The following LILRB3 variants were observed in gnomAD, a reference collection of about 807,000 sequenced individuals.
LILRB3 encodes the protein leukocyte immunoglobulin-like receptor subfamily B member 3.
A neutral mutation model predicts 68.2 loss-of-function variants in LILRB3; 32 were observed. That is an observed-to-expected ratio of 0.47 (90% confidence interval 0.35 to 0.63). LILRB3 has a LOEUF of 0.63. Among genes scored for constraint, LILRB3 ranks in the 30% least tolerant of loss-of-function variants. The probability of loss-of-function intolerance (pLI) is 0.00; values close to 1 mark genes in which losing one functional copy is unlikely to be tolerated. For synonymous variants in LILRB3, 185 were observed against 323.1 expected, an observed-to-expected ratio of 0.57 and a Z score of 4.58; for missense variants, 502 against 791.3, an observed-to-expected ratio of 0.63 and a Z score of 4.39.
exon 13 of LILRB3, chr19:54,216,618 CT>C: frequency 2.0e-6 from 2 of 1,013,872 alleles, no homozygotes; most frequent in Non-Finnish European, 1.2e-6. Context: ...CCTATTTATG[CT>C]TCTTAATTTT....
exon 5 of LILRB3, chr19:54,221,116 C>T: frequency 3.1e-6 from 4 of 1,276,654 alleles, no homozygotes; most frequent in Non-Finnish European, 4.2e-6. Flanking sequence ...TCACTGGGGG[C>T]CGACCACTCG....
At chr19:54,218,305 A>G (rs192011804) in intron 11 of LILRB3, 56 bp downstream of exon 11, 17 of 1,606,624 alleles carry the variant, frequency 1.1e-5, no homozygotes, top group Non-Finnish European at 1.4e-5. Flanking sequence ...GAAGTCCTGC[A>G]GGATTAGATC....
exon 10 of LILRB3, chr19:54,218,677 C>G (rs1211577635): frequency 6.2e-7 from 1 of 1,614,066 alleles, no homozygotes; most frequent in Non-Finnish European, 8.5e-7. Context: ...AGCAGCTGGG[C>G]TGGACCTGGA....
rs748707252 is a variant in LILRB3, at chr19:54,220,022, C to CA, written c.1309+132_1309+133insT. ...CCAACATCTCCCTCTGCCTCGACCCCCGCCCCTCACCAGCCCAGCCTCAGA... is the reference window on the plus strand; with the variant it reads ...CCAACATCTCCCTCTGCCTCGACCCCACGCCCCTCACCAGCCCAGCCTCAGA... On this transcript the variant is annotated intron_variant, in intron 7 of 12. Transcript: ENST00000445347. 1.9e-5 allele frequency: 22 copies of CA among 1,149,866 alleles called. 5 individuals carry two copies. Among genetic ancestry groups the CA allele is most frequent in the Non-Finnish European group, 2.5e-5 (21 of 831,142 alleles). The allele number at this position is 1,149,866 out of a possible 1,614,324, so 71.2% of individuals were successfully genotyped here.
At position 54,216,953 on chromosome 19, in the gene LILRB3, A is replaced by G. The variant is rs1041746561; in HGVS notation, c.*140T>C. 9.8e-5 allele frequency: 148 copies of G among 1,502,850 alleles called. No homozygotes were observed. The East Asian group carries it at 3.5e-3, about 36-fold the overall frequency. 93.1% of individuals were successfully genotyped at this position (1,502,850 alleles called of 1,614,324 possible). A position where few individuals can be genotyped will look rare whatever the true frequency, so the allele number is the denominator to read the frequency against. On this transcript the variant is annotated 3_prime_UTR_variant, in exon 13 of 13. Transcript: ENST00000445347. ...CATCTTTGAGTCAGGTGAGTCCCAC[A>G]AGTTCCCAGCGTCTCCTCATGGTCT...
chr19:54,222,707 G>C (rs1292277571), intron 2 of LILRB3, 40 bp downstream of exon 2: 1 of 1,612,566 alleles, frequency 6.2e-7, no homozygotes, highest in Non-Finnish European at 8.5e-7. Context: ...CCCTGTCCCA[G>C]TGAGGAGTAG....
chr19:54,218,925 A>C, intron 8 of LILRB3, 87 bp from the exon 9 acceptor site: 1 of 1,592,770 alleles, frequency 6.3e-7, no homozygotes, highest in Non-Finnish European at 8.6e-7. Flanking sequence ...AGGAAAACTA[A>C]AAATATTCCT....
rs771882122 is a variant in LILRB3 at position 54,217,143 on chromosome 19, C to T, written c.1846G>A (p.Gly616Arg). ...ATGCTGGGCTCAGCTGGAGGTTCCC[C>T]TTCCTGGGATGGAGGAGGCTCAGTT... Residue 616 changes from glycine to arginine, a missense_variant, in exon 13 of 13, where the codon GGG becomes AGG. By Grantham distance (125) the Gly-to-Arg change is moderately radical. Around this residue, in one of 8 missense-constraint regions of LILRB3, gnomAD observed 267 missense variants for 245.5 expected, o/e 1.09. Transcript: ENST00000445347. The T allele has an allele frequency of 1.0e-4, 163 of 1,613,956 alleles. No homozygotes were observed. Among genetic ancestry groups the T allele is most frequent in the Admixed American group, 1.0e-4 (6 of 59,994 alleles).
chr19:54,219,819 C>G, intron 7 of LILRB3: 10 of 1,531,208 alleles, frequency 6.5e-6, no homozygotes, highest in Non-Finnish European at 8.9e-6. Flanking sequence ...AGAACCCACC[C>G]CTGCCTCCCC....
At chr19:54,216,303 T>C (rs900051846) in exon 13 of LILRB3, 6 of 151,604 alleles carry the variant, frequency 4.0e-5, no homozygotes, top group East Asian at 1.9e-4. Context: ...TTTTTATTTT[T>C]TTTCTTTCTT....
At chr19:54,222,998 C>G (rs71266894) in exon 1 of LILRB3, 228,311 of 1,549,366 alleles carry the variant, frequency 0.15, 764 homozygotes, top group South Asian at 0.24. Context: ...CCGGTGACCC[C>G]GCGCTCTGCA....
chr19:54,222,844 C>T, intron 1 of LILRB3, 62 bp from the exon 2 acceptor site: 1 of 1,612,616 alleles, frequency 6.2e-7, no homozygotes, highest in Non-Finnish European at 8.5e-7. Flanking sequence ...CGCCCGGGTG[C>T]CTCCTGAGCT....
In LILRB3 at chr19:54,222,258, A is replaced by G; in HGVS notation, c.355+20T>C. The G allele has an allele frequency of 6.2e-7, 1 of 1,610,824 alleles. No homozygotes were observed. ...CCTGAGGGCAGAGCCTGGGGCTGGG[A>G]CCCCAGAGTGTCCTCTCACCTGTCA... On this transcript the variant is annotated intron_variant, in intron 3 of 12. Transcript: ENST00000445347.
chr19:54,219,001 G>T, intron 8 of LILRB3, 128 bp downstream of exon 8: 1 of 1,518,058 alleles, frequency 6.6e-7, no homozygotes, highest in Non-Finnish European at 8.9e-7. Context: ...GTTTGTAAAT[G>T]CGTATTGAAA....
chr19:54,217,090 G>C (rs182037924), exon 13 of LILRB3: 8 of 1,613,974 alleles, frequency 5.0e-6, no homozygotes, highest in Non-Finnish European at 6.8e-6. Context: ...CGTACCCCCC[G>C]GGCTAGTGGA....
chr19:54,223,001 G>C (rs368482723), exon 1 of LILRB3: 53 of 1,611,960 alleles, frequency 3.3e-5, no homozygotes, highest in African/African-American at 4.1e-5. Context: ...GTGACCCCGC[G>C]CTCTGCAGAG....
At position 54,220,228 on chromosome 19, in the gene LILRB3, G is replaced by A. The variant is rs1440252935; in HGVS notation, c.1259-23C>T. ...GTCCTGGAAGGAGCACGGGAGGCGG[G>A]TGAGGGGCGGGGGCCGTCCATGGAG... On this transcript the variant is annotated intron_variant, in intron 6 of 12. Coordinates refer to ENST00000445347, the Ensembl canonical transcript of LILRB3. 15 of 1,376,226 alleles carry A rather than the reference G, an allele frequency of 1.1e-5. No individual in the cohort carries two copies. In the East Asian group the frequency reaches 3.1e-4, roughly 28 times the overall value. 85.3% of individuals were successfully genotyped at this position (1,376,226 alleles called of 1,614,324 possible).
intron 11 of LILRB3, chr19:54,217,744 T>C (rs1483838462): frequency 3.1e-6 from 2 of 635,980 alleles, no homozygotes; most frequent in Admixed American, 6.0e-5. Flanking sequence ...CTGTTTCCTC[T>C]GCCTGCAGGG....
intron 7 of LILRB3, chr19:54,219,812 A>G (rs1270971052): frequency 1.3e-6 from 2 of 1,523,220 alleles, no homozygotes; most frequent in Non-Finnish European, 1.8e-6. Context: ...CTAGGACAGA[A>G]CCCACCCCTG....
Sources: allele counts gnomAD v4.1 joint callset, GRCh38; gene constraint gnomAD v4.1.1; regional missense constraint gnomAD v4.1.1; transcripts MANE v1.5; gene names NCBI Gene and HGNC (gene_info 2026-07-23, HGNC 2026-07-21).